Variants in GRID2 observed in about 807,000 individuals in gnomAD.
GRID2 encodes glutamate receptor ionotropic, delta-2.
A neutral mutation model predicts 114.8 loss-of-function variants in GRID2; 33 were observed. The observed-to-expected ratio is 0.29, with a 90% CI of 0.22 to 0.38. The LOEUF is 0.38. GRID2 is among the 10% of genes least tolerant of loss of function. The pLI is 1.00. For missense variants in GRID2, 1,184 were observed against 1,257.7 expected (o/e 0.94, Z 0.89); for synonymous variants, 505 against 449.9 (o/e 1.12, Z -1.55).
intron 1 of GRID2, among the ~76,000 whole-genome samples, chr4:92,319,119 A>G (rs552125503): frequency 1.0e-3 from 159 of 152,302 alleles, no homozygotes; most frequent in African/African-American, 3.6e-3. Context: ...TCACTCTTGG[A>G]TAAGAAAATA....
At chr4:92,649,266 AAAACC>A (rs1381877650) in intron 2 of GRID2, among the ~76,000 whole-genome samples, 2 of 148,896 alleles carry the variant, frequency 1.3e-5, no homozygotes, top group African/African-American at 5.0e-5. Flanking sequence ...TATAAGCTAT[AAAACC>A]AAGAAAGCTC....
intron 8 of GRID2, among the ~76,000 whole-genome samples, chr4:93,305,670 A>C (rs953402125): frequency 2.0e-5 from 3 of 152,206 alleles, no homozygotes; most frequent in Non-Finnish European, 2.9e-5. Context: ...TTTAGAGTGC[A>C]AATAAAAAGA....
intron 8 of GRID2, among the ~76,000 whole-genome samples, chr4:93,255,939 A>G (rs1749532691): frequency 6.6e-6 from 1 of 152,094 alleles, no homozygotes; most frequent in Admixed American, 6.6e-5. Context: ...TAGTTATGTT[A>G]TAGTTTATTG....
intron 4 of GRID2, among the ~76,000 whole-genome samples, chr4:93,185,248 A>C (rs560922229): frequency 1.0e-3 from 158 of 152,316 alleles, no homozygotes; most frequent in African/African-American, 3.6e-3. Context: ...GTCTTGTTAC[A>C]GTCCTCTATG....
At chr4:93,546,134 A>G (rs1466894380) in intron 13 of GRID2, among the ~76,000 whole-genome samples, 1 of 152,180 alleles carries the variant, frequency 6.6e-6, no homozygotes, top group Non-Finnish European at 1.5e-5. Context: ...GAATGATGCA[A>G]AATGAGAGCT....
intron 3 of GRID2, among the ~76,000 whole-genome samples, chr4:93,096,719 G>A (rs1731259083): frequency 6.6e-6 from 1 of 151,944 alleles, no homozygotes; most frequent in Non-Finnish European, 1.5e-5. Flanking sequence ...TACTTTGCTG[G>A]TTGGAATGTA....
chr4:92,442,480 G>A lies in GRID2; in HGVS notation c.88+137736G>A, dbSNP rs537224798. 5.3e-4 allele frequency among the ~76,000 whole-genome samples: 81 copies of A among 152,158 alleles called. 1 individual carries two copies. In the South Asian group the frequency reaches 0.015, roughly 27 times the overall value. On this transcript the variant is annotated intron_variant, in intron 1 of 15. Transcript: ENST00000282020. ...AACGCCTGGCCGCTGCGGTTCAGGC[G>A]TTTGGAAGTTCTTGTGTGCTGGAGA...
At chr4:92,798,781 C>T (rs1374457836) in intron 2 of GRID2, among the ~76,000 whole-genome samples, 1 of 151,970 alleles carries the variant, frequency 6.6e-6, no homozygotes, top group Admixed American at 6.6e-5. Flanking sequence ...TAGATGTTCT[C>T]CTCTTTTGTA....
chr4:93,211,227 G>C (rs78428119), intron 5 of GRID2, among the ~76,000 whole-genome samples: 1 of 152,052 alleles, frequency 6.6e-6, no homozygotes, highest in East Asian at 1.9e-4. Flanking sequence ...CACTGTTTAA[G>C]ACTCAATTTG....
chr4:93,228,430 CT>C (rs1745748397), intron 7 of GRID2, among the ~76,000 whole-genome samples: 1 of 152,172 alleles, frequency 6.6e-6, no homozygotes, highest in African/African-American at 2.4e-5. Flanking sequence ...AAAGTTTCTA[CT>C]TCTCAATACC....
intron 14 of GRID2, among the ~76,000 whole-genome samples, chr4:93,649,694 G>A (rs1347068489): frequency 1.3e-5 from 2 of 152,106 alleles, no homozygotes; most frequent in African/African-American, 4.8e-5. Flanking sequence ...GTCACTGTGA[G>A]GAAATGAAGT....
intron 2 of GRID2, among the ~76,000 whole-genome samples, chr4:92,864,191 T>C (rs79061093): frequency 2.2e-3 from 333 of 152,236 alleles, no homozygotes; most frequent in African/African-American, 7.7e-3. Flanking sequence ...AAGAACAAGA[T>C]CAACACATTG....
chr4:93,625,415 A>G (rs1158569931), intron 13 of GRID2, among the ~76,000 whole-genome samples: 1 of 152,228 alleles, frequency 6.6e-6, no homozygotes, highest in African/African-American at 2.4e-5. Flanking sequence ...CTAAAAGTAT[A>G]GTAAACATTC....
chr4:93,013,528 ACC>A (rs370183219), intron 2 of GRID2, among the ~76,000 whole-genome samples: 13 of 151,770 alleles, frequency 8.6e-5, no homozygotes, highest in Admixed American at 2.6e-4. Context: ...ATATATATAT[ACC>A]CACACACACA....
chr4:92,971,574 A>G (rs2149172026), intron 2 of GRID2, among the ~76,000 whole-genome samples: 1 of 152,150 alleles, frequency 6.6e-6, no homozygotes, highest in East Asian at 1.9e-4. Context: ...TAGCTTTTCA[A>G]AAATATACAC....
At chr4:93,561,596 G>A (rs1734933276) in intron 13 of GRID2, among the ~76,000 whole-genome samples, 1 of 152,172 alleles carries the variant, frequency 6.6e-6, no homozygotes, top group East Asian at 1.9e-4. Context: ...TGTACATTCT[G>A]ACTTTGGACA....
intron 2 of GRID2, among the ~76,000 whole-genome samples, chr4:92,962,525 A>G (rs1041012367): frequency 1.3e-5 from 2 of 151,958 alleles, no homozygotes; most frequent in Non-Finnish European, 2.9e-5. Flanking sequence ...TCCCTTTCCC[A>G]GGTCATGTAG....
chr4:93,582,833 C>G (rs890998799), intron 13 of GRID2, among the ~76,000 whole-genome samples: 1 of 152,080 alleles, frequency 6.6e-6, no homozygotes, highest in Non-Finnish European at 1.5e-5. Flanking sequence ...TCAATAGAAA[C>G]GATTTTGTAT....
intron 2 of GRID2, among the ~76,000 whole-genome samples, chr4:92,712,052 A>G (rs540322240): frequency 1.5e-4 from 23 of 152,350 alleles, no homozygotes; most frequent in Non-Finnish European, 2.5e-4. Flanking sequence ...CATTGAGAGG[A>G]GAGTGATCAT....
Sources: allele counts gnomAD v4.1 joint callset (sites outside exome capture counted in the v4.1 genomes callset), GRCh38; gene constraint gnomAD v4.1.1; transcripts MANE v1.5; gene names NCBI Gene and HGNC (gene_info 2026-07-23, HGNC 2026-07-21).